MACROD2: variants seen among roughly 807,000 people sequenced by gnomAD.
MACROD2 encodes the protein mono-ADP ribosylhydrolase 2.
Under a neutral mutation model 70.4 loss-of-function variants are expected in MACROD2, and 36 were observed. That is an observed-to-expected ratio of 0.51 (90% CI 0.39 to 0.68). MACROD2 has a LOEUF of 0.68. Among genes scored for constraint, MACROD2 ranks in the 30% least tolerant of loss-of-function variants. MACROD2 has a pLI of 0.00. For missense variants in MACROD2, 496 were observed against 538.4 expected (o/e 0.92, Z 0.78); for synonymous variants, 172 against 178.8 (o/e 0.96, Z 0.30).
At chr20:14,784,434 A>C (rs1024304506) in intron 5 of MACROD2, among the ~76,000 whole-genome samples, 1 of 152,026 alleles carries the variant, frequency 6.6e-6, no homozygotes, top group African/African-American at 2.4e-5. Context: ...AGTTGGTGGC[A>C]CTTCATTTTA....
At chr20:15,867,043 A>G (rs1284087614) in intron 9 of MACROD2, among the ~76,000 whole-genome samples, 1 of 152,166 alleles carries the variant, frequency 6.6e-6, no homozygotes, top group African/African-American at 2.4e-5. Context: ...AAGTGGAGGC[A>G]AGATTAATTT....
chr20:15,352,813 T>C (rs1268632767), intron 6 of MACROD2, among the ~76,000 whole-genome samples: 1 of 151,884 alleles, frequency 6.6e-6, no homozygotes, highest in Non-Finnish European at 1.5e-5. Flanking sequence ...AAGGACCTCT[T>C]CAAGGAGAAC....
At chr20:14,474,835 C>G (rs1469044311) in intron 3 of MACROD2, among the ~76,000 whole-genome samples, 2 of 152,018 alleles carry the variant, frequency 1.3e-5, no homozygotes, top group East Asian at 3.9e-4. Flanking sequence ...TTTTCCATTT[C>G]TTCACTTTTA....
chr20:14,981,725 G>T (rs1457799518), intron 5 of MACROD2, among the ~76,000 whole-genome samples: 1 of 152,022 alleles, frequency 6.6e-6, no homozygotes, highest in Admixed American at 6.6e-5. Context: ...CACCATGATT[G>T]TGAGGCCTCC....
At chr20:14,675,251 G>A (rs937684412) in intron 4 of MACROD2, among the ~76,000 whole-genome samples, 49 of 152,092 alleles carry the variant, frequency 3.2e-4, no homozygotes, top group Admixed American at 4.6e-4. Flanking sequence ...ACACATAATC[G>A]TCAGATTCGC....
At chr20:14,806,910 G>A in intron 5 of MACROD2, among the ~76,000 whole-genome samples, 1 of 152,072 alleles carries the variant, frequency 6.6e-6, no homozygotes, top group African/African-American at 2.4e-5. Flanking sequence ...CTCTGGGCAG[G>A]GCATCTCTGA....
intron 3 of MACROD2, among the ~76,000 whole-genome samples, chr20:14,251,904 T>G (rs914031119): frequency 2.0e-5 from 3 of 152,098 alleles, no homozygotes; most frequent in Non-Finnish European, 2.9e-5. Flanking sequence ...TCTTGGGAAC[T>G]TCATCTGCCC....
intron 4 of MACROD2, among the ~76,000 whole-genome samples, chr20:14,562,502 T>C (rs1286573189): frequency 9.1e-6 from 1 of 110,040 alleles, no homozygotes; most frequent in Non-Finnish European, 1.8e-5. Context: ...AAGTAACACT[T>C]GACAGCAAAA....
intron 3 of MACROD2, among the ~76,000 whole-genome samples, chr20:14,129,693 T>C (rs1459475172): frequency 1.7e-4 from 26 of 152,174 alleles, no homozygotes; most frequent in Admixed American, 1.7e-3. Context: ...ATTTAAGAGA[T>C]TACCACAGCA....
At chr20:14,177,733 A>G (rs2081274736) in intron 3 of MACROD2, among the ~76,000 whole-genome samples, 1 of 152,214 alleles carries the variant, frequency 6.6e-6, no homozygotes, top group Non-Finnish European at 1.5e-5. Context: ...TTAGCATGTG[A>G]TAAATATAGC....
At chr20:15,294,253 G>A (rs2077566869) in intron 6 of MACROD2, among the ~76,000 whole-genome samples, 1 of 152,218 alleles carries the variant, frequency 6.6e-6, no homozygotes, top group South Asian at 2.1e-4. Flanking sequence ...TAAAGCTGAT[G>A]GGATGGGACA....
chr20:14,059,423 G>A (rs1426966689), intron 2 of MACROD2, among the ~76,000 whole-genome samples: 1 of 152,104 alleles, frequency 6.6e-6, no homozygotes, highest in Admixed American at 6.6e-5. Flanking sequence ...TCAACTTGTT[G>A]ATGGTCAAAA....
At chr20:14,030,034 T>C (rs2053227339) in intron 2 of MACROD2, among the ~76,000 whole-genome samples, 1 of 152,232 alleles carries the variant, frequency 6.6e-6, no homozygotes, top group South Asian at 2.1e-4. Flanking sequence ...TTGCAGATTT[T>C]ACTTGCAAAG....
intron 6 of MACROD2, among the ~76,000 whole-genome samples, chr20:15,263,288 T>TC (rs1568677168): frequency 6.6e-6 from 1 of 151,300 alleles, no homozygotes; most frequent in Non-Finnish European, 1.5e-5. Context: ...GATTTTTTTT[T>TC]CTCTTTCTGC....
chr20:14,910,391 A>G (rs928396862), intron 5 of MACROD2, among the ~76,000 whole-genome samples: 1 of 152,202 alleles, frequency 6.6e-6, no homozygotes, highest in Non-Finnish European at 1.5e-5. Flanking sequence ...AATGTGTGCA[A>G]GGAAAACACT....
At chr20:14,220,189 G>A (rs1212787808) in intron 3 of MACROD2, among the ~76,000 whole-genome samples, 4 of 152,094 alleles carry the variant, frequency 2.6e-5, no homozygotes, top group Non-Finnish European at 2.9e-5. Flanking sequence ...GACTGTCCTT[G>A]GGCGGGTCTT....
At chr20:14,531,020 A>G (rs1208243433) in intron 4 of MACROD2, among the ~76,000 whole-genome samples, 1 of 152,232 alleles carries the variant, frequency 6.6e-6, no homozygotes, top group Non-Finnish European at 1.5e-5. Context: ...TATTGTCCCA[A>G]GAATACAAAG....
chr20:14,780,329 G>A (rs925282561), intron 5 of MACROD2, among the ~76,000 whole-genome samples: 1 of 152,044 alleles, frequency 6.6e-6, no homozygotes, highest in Admixed American at 6.5e-5. Flanking sequence ...TTGAGAGGCC[G>A]AGGCAGGCGG....
intron 3 of MACROD2, among the ~76,000 whole-genome samples, chr20:14,238,114 T>C (rs533298974): frequency 1.7e-4 from 26 of 152,254 alleles, no homozygotes; most frequent in African/African-American, 2.2e-4. Context: ...CCTGAGGAAT[T>C]GCCACACTGA....
Sources: gnomAD v4.1 joint callset for allele counts (sites outside exome capture counted in the v4.1 genomes callset) on GRCh38, gnomAD v4.1.1 for gene constraint, MANE v1.5 for transcripts, NCBI Gene and HGNC (gene_info 2026-07-23, HGNC 2026-07-21) for gene names.